The following MYO1D variants were observed in gnomAD, a reference collection of about 807,000 sequenced individuals.
MYO1D encodes the protein unconventional myosin-Id.
MYO1D carries 83 observed loss-of-function variants against 122.0 expected under a neutral mutation model. The observed-to-expected ratio is 0.68, with a 90% confidence interval of 0.57 to 0.82. The LOEUF is 0.82. Ranked by LOEUF, MYO1D falls within the 40% of genes least tolerant of loss-of-function variation. MYO1D has a pLI of 0.00. For synonymous variants in MYO1D, 464 were observed against 446.9 expected (o/e 1.04, Z -0.48); for missense variants, 1,157 against 1,269.5 (o/e 0.91, Z 1.35).
At chr17:32,853,710 G>C (rs2091007352) in intron 1 of MYO1D, among the ~76,000 whole-genome samples, 1 of 152,198 alleles carries the variant, frequency 6.6e-6, no homozygotes, top group African/African-American at 2.4e-5. Flanking sequence ...TTAAATGAAT[G>C]ATTTGGCTCA....
At chr17:32,744,844 C>T (rs1388098430) in intron 13 of MYO1D, among the ~76,000 whole-genome samples, 2 of 152,160 alleles carry the variant, frequency 1.3e-5, no homozygotes, top group Non-Finnish European at 2.9e-5. Flanking sequence ...GAAGACACTA[C>T]AGTGGGAATC....
chr17:32,707,268 A>C (rs1028275588), intron 16 of MYO1D, among the ~76,000 whole-genome samples: 1 of 152,182 alleles, frequency 6.6e-6, no homozygotes, highest in African/African-American at 2.4e-5. Context: ...AAAAGCCAAT[A>C]AGCACACACT....
At chr17:32,643,295 C>T (rs970753787) in intron 19 of MYO1D, among the ~76,000 whole-genome samples, 3 of 152,146 alleles carry the variant, frequency 2.0e-5, no homozygotes, top group African/African-American at 4.8e-5. Flanking sequence ...GGTGGATAAG[C>T]TTTTTGATGT....
chr17:32,689,515 C>T (rs752467664), intron 16 of MYO1D, among the ~76,000 whole-genome samples: 12 of 152,094 alleles, frequency 7.9e-5, no homozygotes, highest in Non-Finnish European at 1.5e-4. Flanking sequence ...GAATGATGCC[C>T]GCCTAGCCAC....
chr17:32,796,793 C>T (rs975357653), intron 1 of MYO1D, among the ~76,000 whole-genome samples: 1 of 152,170 alleles, frequency 6.6e-6, no homozygotes, highest in Admixed American at 6.5e-5. Flanking sequence ...AGATTCTCAT[C>T]CCTTCCCACT....
chr17:32,649,332 A>G (rs1489174990), intron 19 of MYO1D, among the ~76,000 whole-genome samples: 1 of 152,086 alleles, frequency 6.6e-6, no homozygotes, highest in Admixed American at 6.5e-5. Flanking sequence ...GAAGCTCTAT[A>G]CCCATTAAAC....
chr17:32,647,999 A>G (rs959953170), intron 19 of MYO1D, among the ~76,000 whole-genome samples: 5 of 152,186 alleles, frequency 3.3e-5, no homozygotes, highest in African/African-American at 9.7e-5. Flanking sequence ...AGATCACTTG[A>G]GGTCAGGAGT....
At chr17:32,723,601 A>C (rs1171060703) in intron 14 of MYO1D, among the ~76,000 whole-genome samples, 1 of 152,146 alleles carries the variant, frequency 6.6e-6, no homozygotes, top group East Asian at 1.9e-4. Context: ...CAGAAGCAAC[A>C]CTGGGTTACT....
At chr17:32,566,685 A>G (rs1175161516) in intron 21 of MYO1D, among the ~76,000 whole-genome samples, 1 of 151,486 alleles carries the variant, frequency 6.6e-6, no homozygotes, top group African/African-American at 2.4e-5. Flanking sequence ...ATCAATTAAT[A>G]GTAGTAACAT....
chr17:32,747,201 T>C (rs1183114090), intron 12 of MYO1D, among the ~76,000 whole-genome samples: 2 of 152,236 alleles, frequency 1.3e-5, no homozygotes, highest in Non-Finnish European at 2.9e-5. Flanking sequence ...GCTATTAAAA[T>C]TTCTTCAAAC....
chr17:32,605,406 A>T (rs2087614963), intron 20 of MYO1D, among the ~76,000 whole-genome samples, 165 bp from the exon 21 acceptor site: 1 of 152,134 alleles, frequency 6.6e-6, no homozygotes, highest in East Asian at 1.9e-4. Context: ...TCCAGCCTGG[A>T]CAACATAACG....
At chr17:32,690,568 G>A (rs1373606178) in intron 16 of MYO1D, among the ~76,000 whole-genome samples, 1 of 152,210 alleles carries the variant, frequency 6.6e-6, no homozygotes, top group African/African-American at 2.4e-5. Flanking sequence ...CAGTGTTGGA[G>A]GTGGGGCCTG....
intron 12 of MYO1D, among the ~76,000 whole-genome samples, chr17:32,748,575 C>G (rs533727859): frequency 6.6e-6 from 1 of 152,086 alleles, no homozygotes. Context: ...ACGTACATGC[C>G]TATACTCTTC....
chr17:32,570,116 T>C (rs367725280), intron 21 of MYO1D, among the ~76,000 whole-genome samples: 36 of 152,058 alleles, frequency 2.4e-4, no homozygotes, highest in South Asian at 1.2e-3. Flanking sequence ...CTGACCACTG[T>C]GCTGAATTGG....
intron 5 of MYO1D, among the ~76,000 whole-genome samples, 195 bp from the exon 6 acceptor site, chr17:32,771,415 T>C (rs1263714543): frequency 6.6e-6 from 1 of 152,218 alleles, no homozygotes; most frequent in Non-Finnish European, 1.5e-5. Flanking sequence ...TTACAGAGAA[T>C]GTTATGCAGT....
chr17:32,630,153 AT>A (rs2087985194), intron 20 of MYO1D, among the ~76,000 whole-genome samples: 1 of 152,220 alleles, frequency 6.6e-6, no homozygotes, highest in Non-Finnish European at 1.5e-5. Context: ...ATACACATAT[AT>A]TTCTGTCCTG....
At chr17:32,849,821 AATT>A (rs1051068897) in intron 1 of MYO1D, among the ~76,000 whole-genome samples, 3 of 151,680 alleles carry the variant, frequency 2.0e-5, no homozygotes, top group African/African-American at 7.3e-5. Context: ...AATAAAAAAA[AATT>A]AAGTGTTTTC....
chr17:32,529,080 A>C (rs1202119498), intron 21 of MYO1D: 4 of 152,244 alleles, frequency 2.6e-5, no homozygotes, highest in African/African-American at 9.6e-5. Context: ...TGAGAAGAAC[A>C]AGTGTTGCAC....
intron 16 of MYO1D, among the ~76,000 whole-genome samples, chr17:32,680,974 T>C (rs2088906645): frequency 6.6e-6 from 1 of 152,192 alleles, no homozygotes; most frequent in African/African-American, 2.4e-5. Context: ...CCTGGTTTAG[T>C]CTTGGGAGAG....
Sources: allele counts gnomAD v4.1 joint callset (sites outside exome capture counted in the v4.1 genomes callset), GRCh38; gene constraint gnomAD v4.1.1; transcripts MANE v1.5; gene names NCBI Gene and HGNC (gene_info 2026-07-23, HGNC 2026-07-21).